Variants in LRP1B observed in about 807,000 individuals in gnomAD.
The protein encoded by LRP1B is low-density lipoprotein receptor-related protein 1B.
A neutral mutation model predicts 556.6 loss-of-function variants in LRP1B; 217 were observed. The ratio of observed to expected loss-of-function variants is 0.39; its 90% CI spans 0.35 to 0.44. The LOEUF is 0.44. LRP1B is among the 20% of genes least tolerant of loss of function. The pLI is 1.00. For missense variants in LRP1B, 5,053 were observed against 5,620.8 expected (o/e 0.90, Z 3.23); for synonymous variants, 2,047 against 1,865.8 (o/e 1.10, Z -2.50).
At chr2:140,532,909 C>T (rs890411090) in intron 47 of LRP1B, among the ~76,000 whole-genome samples, 15 of 59,118 alleles carry the variant, frequency 2.5e-4, no homozygotes, top group East Asian at 1.4e-3. Context: ...GGTGTTCTTA[C>T]GTGTGCAATC....
intron 43 of LRP1B, among the ~76,000 whole-genome samples, chr2:140,555,375 G>GA (rs1680696191): frequency 6.6e-6 from 1 of 151,914 alleles, no homozygotes; most frequent in Admixed American, 6.6e-5. Flanking sequence ...CCATACATTT[G>GA]AAAAAAATAC....
chr2:140,576,100 T>C (rs190628102), intron 43 of LRP1B, among the ~76,000 whole-genome samples: 18 of 152,296 alleles, frequency 1.2e-4, no homozygotes, highest in African/African-American at 4.3e-4. Flanking sequence ...AGCTCCACAC[T>C]TCAGGTGCTG....
intron 2 of LRP1B, among the ~76,000 whole-genome samples, chr2:141,742,067 G>A (rs1452542149): frequency 6.6e-6 from 1 of 152,068 alleles, no homozygotes; most frequent in African/African-American, 2.4e-5. Context: ...CCTAATGTAT[G>A]TTCTTGACAC....
Position 140,850,317 on chromosome 2 carries a change from A to C in LRP1B, c.4724T>G (p.Phe1575Cys), listed in dbSNP as rs1692419447. 1 of 1,589,024 alleles carries C rather than the reference A, an allele frequency of 6.3e-7. No individual in the cohort carries two copies. The highest frequency in any genetic ancestry group is 8.6e-7 in the Non-Finnish European group (1 of 1,165,494). ...DKKTCYEMKK[F>C]LLYARRSEIR... ...TTCAGAACGTCTTGCATAAAGAAGA[A>C]ATTTTTTCATTTCTAAAAAAGAAAT... The change falls in exon 29 of 91, where the codon TTT becomes TGT. Residue 1575 changes from phenylalanine to cysteine, a missense_variant. Physicochemically the swap from Phe to Cys is radical, Grantham distance 205. This residue lies in a region of LRP1B where 3,619 missense variants were observed against 3,931.9 expected (regional missense o/e 0.92). Transcript: ENST00000389484.
intron 21 of LRP1B, among the ~76,000 whole-genome samples, chr2:140,917,898 C>G (rs769320933): frequency 6.6e-6 from 1 of 152,052 alleles, no homozygotes; most frequent in African/African-American, 2.4e-5. Context: ...AAATGTACCA[C>G]TTTGGTGCAG....
intron 35 of LRP1B, among the ~76,000 whole-genome samples, chr2:140,744,790 T>C (rs1688262211): frequency 6.6e-6 from 1 of 152,206 alleles, no homozygotes; most frequent in South Asian, 2.1e-4. Flanking sequence ...CATCAAAGTA[T>C]ACTTTGGAGA....
intron 3 of LRP1B, among the ~76,000 whole-genome samples, chr2:141,377,294 A>G (rs554179249): frequency 8.5e-5 from 13 of 152,312 alleles, no homozygotes; most frequent in Non-Finnish European, 1.2e-4. Flanking sequence ...TTTTACAAAT[A>G]TGAAATAAAC....
At chr2:141,731,334 G>T (rs1308011449) in intron 2 of LRP1B, among the ~76,000 whole-genome samples, 1 of 152,030 alleles carries the variant, frequency 6.6e-6, no homozygotes, top group Non-Finnish European at 1.5e-5. Context: ...CACATTTGCG[G>T]GTAAGGATAA....
At chr2:141,493,308 C>CT in intron 2 of LRP1B, among the ~76,000 whole-genome samples, 1 of 152,136 alleles carries the variant, frequency 6.6e-6, no homozygotes, top group East Asian at 1.9e-4. Flanking sequence ...CTCAATCTGC[C>CT]TTTTTTGTGT....
intron 43 of LRP1B, among the ~76,000 whole-genome samples, chr2:140,591,452 T>C (rs1252946607): frequency 6.6e-6 from 1 of 152,234 alleles, no homozygotes; most frequent in African/African-American, 2.4e-5. Flanking sequence ...TGAGACAGAA[T>C]AGAAAGATCA....
chr2:140,756,052 C>T (rs1688732426), intron 35 of LRP1B, among the ~76,000 whole-genome samples: 1 of 151,816 alleles, frequency 6.6e-6, no homozygotes, highest in Admixed American at 6.6e-5. Flanking sequence ...CACTTCAACA[C>T]ATTTATAATG....
At chr2:140,860,977 T>C (rs933786979) in intron 27 of LRP1B, among the ~76,000 whole-genome samples, 1 of 57,758 alleles carries the variant, frequency 1.7e-5, no homozygotes, top group African/African-American at 7.3e-5. Flanking sequence ...GAATTGTGCA[T>C]CTATCTATCT....
chr2:141,070,618 A>G (rs1699612485), intron 7 of LRP1B, among the ~76,000 whole-genome samples: 1 of 152,128 alleles, frequency 6.6e-6, no homozygotes, highest in South Asian at 2.1e-4. Context: ...CAAGATCAAT[A>G]AAGAAGAAAA....
chr2:142,109,678 T>A (rs35975765), intron 1 of LRP1B, among the ~76,000 whole-genome samples: 26,779 of 152,086 alleles, frequency 0.18, 2,581 homozygotes, highest in African/African-American at 0.24. Context: ...TTATGCCCCT[T>A]TAGTTAAAGG....
intron 1 of LRP1B, among the ~76,000 whole-genome samples, chr2:141,820,642 T>C (rs1302752797): frequency 6.6e-6 from 1 of 152,168 alleles, no homozygotes; most frequent in Non-Finnish European, 1.5e-5. Flanking sequence ...GAGACAGTAG[T>C]AATAATTAGA....
At chr2:141,345,260 G>T (rs1221988186) in intron 3 of LRP1B, among the ~76,000 whole-genome samples, 1 of 151,748 alleles carries the variant, frequency 6.6e-6, no homozygotes, top group African/African-American at 2.4e-5. Context: ...GGCCTAATGA[G>T]ATACATTTCA....
At chr2:140,828,935 G>A (rs1236694554) in intron 31 of LRP1B, among the ~76,000 whole-genome samples, 5 of 151,492 alleles carry the variant, frequency 3.3e-5, no homozygotes, top group African/African-American at 9.7e-5. Flanking sequence ...AGAGATGGAA[G>A]AAGATAGCCC....
At chr2:140,842,979 C>A (rs1692155327) in intron 29 of LRP1B, among the ~76,000 whole-genome samples, 1 of 150,214 alleles carries the variant, frequency 6.7e-6, no homozygotes, top group African/African-American at 2.5e-5. Flanking sequence ...ATCTTTTCTG[C>A]ATTTTACCTT....
chr2:140,835,923 T>A (rs1691887473), intron 31 of LRP1B, among the ~76,000 whole-genome samples: 1 of 152,200 alleles, frequency 6.6e-6, no homozygotes, highest in Non-Finnish European at 1.5e-5. Flanking sequence ...TTTTGTCCTG[T>A]TAATCTGCCT....
Sources: gnomAD v4.1 joint callset for allele counts (sites outside exome capture counted in the v4.1 genomes callset) on GRCh38, gnomAD v4.1.1 for gene constraint, gnomAD v4.1.1 regional missense constraint, MANE v1.5 for transcripts, NCBI Gene and HGNC (gene_info 2026-07-23, HGNC 2026-07-21) for gene names.